HIVEP3: variants seen among roughly 807,000 people sequenced by gnomAD.
HIVEP3 encodes HIVEP zinc finger 3, also known as transcription factor HIVEP3.
In HIVEP3, 49 loss-of-function variants were observed where a neutral mutation model predicts 152.8. The observed-to-expected ratio is 0.32, with a 90% CI of 0.26 to 0.41. The LOEUF (loss-of-function observed/expected upper bound fraction) is 0.41, where lower values mean the gene tolerates loss of function less well. Among genes scored for constraint, HIVEP3 ranks in the 10% least tolerant of loss-of-function variants. HIVEP3 has a pLI of 1.00. For synonymous variants in HIVEP3, 1,269 were observed against 1,289.0 expected (o/e 0.98, Z 0.33); for missense variants, 2,790 against 3,103.3 (o/e 0.90, Z 2.40).
intron 1 of HIVEP3, among the ~76,000 whole-genome samples, chr1:41,858,141 G>C (rs1643820716): frequency 6.6e-6 from 1 of 152,130 alleles, no homozygotes; most frequent in South Asian, 2.1e-4. Context: ...GAAAACATAA[G>C]TTTTACCCAG....
intron 3 of HIVEP3, among the ~76,000 whole-genome samples, chr1:41,604,481 C>T (rs750355588): frequency 3.9e-5 from 6 of 152,168 alleles, no homozygotes; most frequent in South Asian, 4.1e-4. Flanking sequence ...GTATTGTCAA[C>T]GTGATAGTAT....
At chr1:41,954,536 C>T (rs868817360) in intron 1 of HIVEP3, among the ~76,000 whole-genome samples, 1 of 152,280 alleles carries the variant, frequency 6.6e-6, no homozygotes, top group African/African-American at 2.4e-5. Context: ...CTGGCTCCAA[C>T]CTGGCAGCTG....
intron 2 of HIVEP3, among the ~76,000 whole-genome samples, chr1:41,647,023 A>G (rs6700578): frequency 6.6e-6 from 1 of 152,136 alleles, no homozygotes; most frequent in Non-Finnish European, 1.5e-5. Context: ...TCACACTGCA[A>G]CCTCCTGGCA....
intron 5 of HIVEP3, among the ~76,000 whole-genome samples, chr1:41,575,103 C>T (rs542605435): frequency 6.6e-5 from 10 of 152,332 alleles, no homozygotes; most frequent in South Asian, 2.1e-4. Context: ...ACAGCCTAGT[C>T]GGCTGAGCCC....
At chr1:41,718,062 G>A (rs977176322) in intron 1 of HIVEP3, among the ~76,000 whole-genome samples, 9 of 152,214 alleles carry the variant, frequency 5.9e-5, no homozygotes, top group South Asian at 2.1e-4. Context: ...CAGAATGACC[G>A]GTATCTTAGC....
chr1:41,881,121 T>C (rs889639107), intron 1 of HIVEP3, among the ~76,000 whole-genome samples: 1 of 152,204 alleles, frequency 6.6e-6, no homozygotes, highest in African/African-American at 2.4e-5. Context: ...ATGATCGTTA[T>C]GGTGGTGATG....
chr1:41,527,954 A>C, intron 5 of HIVEP3, among the ~76,000 whole-genome samples: 1 of 107,134 alleles, frequency 9.3e-6, no homozygotes, highest in Admixed American at 9.8e-5. Context: ...TCACACATGC[A>C]CCCCACACCC....
At chr1:41,901,286 G>A (rs762799196) in intron 1 of HIVEP3, among the ~76,000 whole-genome samples, 2 of 152,084 alleles carry the variant, frequency 1.3e-5, no homozygotes, top group African/African-American at 2.4e-5. Context: ...GTGCTGAGCC[G>A]AGTTATGCGT....
At chr1:41,986,438 C>CTTTTT (rs34078704) in intron 1 of HIVEP3, among the ~76,000 whole-genome samples, 1 of 112,494 alleles carries the variant, frequency 8.9e-6, no homozygotes, top group South Asian at 2.9e-4. Context: ...TTGAATAGGA[C>CTTTTT]TTTTTTTTTT....
intron 3 of HIVEP3, 43 bp downstream of exon 3, chr1:41,628,706 T>C: frequency 8.3e-7 from 1 of 1,209,088 alleles, no homozygotes; most frequent in Non-Finnish European, 1.0e-6. Context: ...CAGACCAACA[T>C]GGCGCCTGGC....
chr1:41,908,834 T>C (rs1261366544), intron 1 of HIVEP3, among the ~76,000 whole-genome samples: 1 of 152,198 alleles, frequency 6.6e-6, no homozygotes, highest in Non-Finnish European at 1.5e-5. Flanking sequence ...GCCAACAAAG[T>C]GACCTTCACT....
At chr1:41,538,605 C>T (rs370471233) in intron 5 of HIVEP3, among the ~76,000 whole-genome samples, 4 of 152,076 alleles carry the variant, frequency 2.6e-5, no homozygotes, top group South Asian at 4.2e-4. Flanking sequence ...GAATAGCAAA[C>T]GCCTTTATTC....
chr1:42,006,672 C>T (rs1645461246), intron 1 of HIVEP3, among the ~76,000 whole-genome samples: 4 of 151,958 alleles, frequency 2.6e-5, no homozygotes, highest in South Asian at 4.2e-4. Flanking sequence ...TAAAATCTGC[C>T]CCTGCATTAA....
At chr1:41,658,585 T>A (rs1253095196) in intron 2 of HIVEP3, among the ~76,000 whole-genome samples, 1 of 152,032 alleles carries the variant, frequency 6.6e-6, no homozygotes, top group Non-Finnish European at 1.5e-5. Context: ...ACCCCCCCCA[T>A]GAGCCTCGGG....
At chr1:42,026,064 G>C (rs1048988114) in intron 1 of HIVEP3, among the ~76,000 whole-genome samples, 9 of 150,868 alleles carry the variant, frequency 6.0e-5, no homozygotes, top group African/African-American at 2.2e-4. Context: ...GCAAGACCCT[G>C]TCTCAAAAGA....
intron 2 of HIVEP3, among the ~76,000 whole-genome samples, chr1:41,663,216 T>C (rs1402685537): frequency 6.6e-6 from 1 of 152,228 alleles, no homozygotes; most frequent in African/African-American, 2.4e-5. Flanking sequence ...CAGAGGTTAT[T>C]TGGCAGAGGT....
rs543915186 is a variant in HIVEP3, at chr1:41,605,151, C to T, written c.-521-19833G>A. Reference sequence around the variant, plus strand: ...GAAAGGGAAGGGAAGGGAAGGGAAGCGGAGGGGTGGAGAGGGGAGGGGAGG... The same window carrying T: ...GAAAGGGAAGGGAAGGGAAGGGAAGTGGAGGGGTGGAGAGGGGAGGGGAGG... On this transcript the variant is annotated intron_variant, in intron 3 of 8. Transcript: ENST00000372583. Among the ~76,000 whole-genome samples the T allele has an allele frequency of 9.8e-3, 267 of 27,230 alleles. 1 individual carries two copies. Among genetic ancestry groups the T allele is most frequent in the Middle Eastern group, 0.042 (1 of 24 alleles). The allele number at this position is 27,230 out of a possible 152,430, so 17.9% of individuals were successfully genotyped here. A position where few individuals can be genotyped will look rare whatever the true frequency, so the allele number is the denominator to read the frequency against.
chr1:41,644,783 G>A (rs923578820), intron 2 of HIVEP3, among the ~76,000 whole-genome samples: 2 of 149,864 alleles, frequency 1.3e-5, no homozygotes, highest in African/African-American at 2.5e-5. Flanking sequence ...GCTCAGGGAG[G>A]TGAGGATTAT....
At chr1:41,741,063 T>C (rs904675462) in intron 1 of HIVEP3, among the ~76,000 whole-genome samples, 3 of 152,128 alleles carry the variant, frequency 2.0e-5, no homozygotes, top group African/African-American at 7.2e-5. Flanking sequence ...TTTTCACATG[T>C]GGTATCTTGT....
Sources: gnomAD v4.1 joint callset for allele counts (sites outside exome capture counted in the v4.1 genomes callset) on GRCh38, gnomAD v4.1.1 for gene constraint, MANE v1.5 for transcripts, NCBI Gene and HGNC (gene_info 2026-07-23, HGNC 2026-07-21) for gene names.